Variants in TMPRSS15 observed in about 807,000 individuals in gnomAD.
The protein encoded by TMPRSS15 is transmembrane serine protease 15.
TMPRSS15 carries 128 observed loss-of-function variants against 125.3 expected under a neutral mutation model. The ratio of observed to expected loss-of-function variants is 1.02; its 90% CI spans 0.89 to 1.18. The LOEUF is 1.18. Among genes scored for constraint, TMPRSS15 ranks in the 50% most tolerant of loss-of-function variants. TMPRSS15 has a pLI of 0.00. For missense variants in TMPRSS15, 1,283 were observed against 1,212.7 expected (o/e 1.06, Z -0.86); for synonymous variants, 446 against 423.2 (o/e 1.05, Z -0.66).
intron 11 of TMPRSS15, 126 bp from the exon 12 acceptor site, chr21:18,343,782 TG>T: frequency 8.2e-7 from 1 of 1,224,814 alleles, no homozygotes; most frequent in Non-Finnish European, 1.2e-6. Flanking sequence ...TTGGAGTTGC[TG>T]GGGATGGGGA....
At chr21:18,443,541 C>T (rs574046509) in intron 1 of TMPRSS15, among the ~76,000 whole-genome samples, 3 of 152,304 alleles carry the variant, frequency 2.0e-5, no homozygotes, top group South Asian at 4.1e-4. Flanking sequence ...GACATATTGC[C>T]GGGACAACTC....
intron 1 of TMPRSS15, among the ~76,000 whole-genome samples, chr21:18,457,031 A>T (rs1228782609): frequency 6.6e-6 from 1 of 152,100 alleles, no homozygotes; most frequent in Non-Finnish European, 1.5e-5. Flanking sequence ...AGACAGAGAG[A>T]CATTTGAATT....
intron 21 of TMPRSS15, among the ~76,000 whole-genome samples, chr21:18,289,140 T>G (rs2074802772): frequency 6.6e-6 from 1 of 152,216 alleles, no homozygotes; most frequent in African/African-American, 2.4e-5. Flanking sequence ...TGTTATTTTA[T>G]TATAAATGCT....
chr21:18,282,352 G>A (rs146673540), intron 21 of TMPRSS15, among the ~76,000 whole-genome samples: 61 of 152,256 alleles, frequency 4.0e-4, no homozygotes, highest in East Asian at 2.9e-3. Flanking sequence ...AATTAAGCCA[G>A]TTAAGCCATA....
At chr21:18,418,988 C>G (rs992975624) in intron 1 of TMPRSS15, among the ~76,000 whole-genome samples, 1 of 152,104 alleles carries the variant, frequency 6.6e-6, no homozygotes, top group African/African-American at 2.4e-5. Context: ...CAGCGTTGAG[C>G]CAGGGGGAAA....
In TMPRSS15 at chr21:18,269,243, G is replaced by A. The variant is rs2074524086; in HGVS notation, c.*726C>T. The A allele has an allele frequency of 6.6e-6, 1 of 152,108 alleles. No homozygotes were observed. The highest frequency in any genetic ancestry group is 1.9e-4 in the East Asian group (1 of 5,200). The allele number at this position is 152,108 out of a possible 1,614,324, so 9.4% of individuals were successfully genotyped here. On this transcript the variant is annotated 3_prime_UTR_variant, in exon 25 of 25. Coordinates refer to ENST00000284885, the MANE Select transcript of TMPRSS15 (RefSeq NM_002772.3). ...AAACCAAGACCAGGATTTGCAATAGGTGCATTTCTTTGGTATGTCTGATTA... is the reference window on the plus strand; with the variant it reads ...AAACCAAGACCAGGATTTGCAATAGATGCATTTCTTTGGTATGTCTGATTA...
chr21:18,334,839 TA>T (rs1284205905), intron 13 of TMPRSS15, among the ~76,000 whole-genome samples: 1 of 152,194 alleles, frequency 6.6e-6, no homozygotes, highest in Non-Finnish European at 1.5e-5. Context: ...AGGCAGGGTT[TA>T]AATTGAGTCT....
chr21:18,302,860 G>C (rs1419410512), intron 18 of TMPRSS15, among the ~76,000 whole-genome samples: 1 of 152,154 alleles, frequency 6.6e-6, no homozygotes, highest in African/African-American at 2.4e-5. Context: ...TGGGCAACGT[G>C]AACCACTTTA....
chr21:18,386,273 T>C (rs2075943120), intron 3 of TMPRSS15, among the ~76,000 whole-genome samples: 1 of 152,152 alleles, frequency 6.6e-6, no homozygotes, highest in Non-Finnish European at 1.5e-5. Context: ...CTTATTAGTG[T>C]CAGAGATAGA....
intron 6 of TMPRSS15, among the ~76,000 whole-genome samples, chr21:18,366,944 T>C (rs547725682): frequency 1.3e-5 from 2 of 152,218 alleles, no homozygotes; most frequent in African/African-American, 4.8e-5. Context: ...TTTATGTATA[T>C]AAAATAAATA....
intron 3 of TMPRSS15, among the ~76,000 whole-genome samples, chr21:18,396,800 GTCTGTCTGTCTATCTA>G (rs2076043179): frequency 1.5e-5 from 1 of 67,786 alleles, no homozygotes; most frequent in African/African-American, 6.7e-5. Context: ...AAATCTGTCT[GTCTGTCTGTCTATCTA>G]TCTATCTATC....
chr21:18,350,492 T>C (rs1346873439), intron 10 of TMPRSS15, among the ~76,000 whole-genome samples: 1 of 152,124 alleles, frequency 6.6e-6, no homozygotes, highest in East Asian at 1.9e-4. Flanking sequence ...TCCACCAGTC[T>C]CTTTTCAACA....
Position 18,313,057 on chromosome 21 carries a change from T to C in TMPRSS15, c.2053A>G (p.Thr685Ala), listed in dbSNP as rs1449633222. The change falls in exon 18 of 25, where the codon ACG becomes GCG. Residue 685 changes from threonine to alanine, a missense_variant. Thr to Ala is a moderately conservative substitution (Grantham distance 58, BLOSUM62 0). Transcript: ENST00000284885. ...AACCGCACTAAACCATTGTTGTTCG[T>C]TGTGCCATTGAAAAAACGCACTAAA... The part of the protein sequence containing the change: ...ADCVRFFNGT[T>A]NNNGLVRFRI... 1 of 1,613,842 alleles carries C rather than the reference T, an allele frequency of 6.2e-7. No homozygotes were observed. The highest frequency in any genetic ancestry group is 1.3e-5 in the African/African-American group (1 of 74,910).
At chr21:18,352,076 T>TTC (rs1474625107) in intron 10 of TMPRSS15, among the ~76,000 whole-genome samples, 1 of 151,808 alleles carries the variant, frequency 6.6e-6, no homozygotes, top group African/African-American at 2.4e-5. Context: ...TTTTCACTGT[T>TTC]TTTTTGTAAT....
At chr21:18,370,297 A>G (rs2075779675) in intron 6 of TMPRSS15, among the ~76,000 whole-genome samples, 1 of 152,140 alleles carries the variant, frequency 6.6e-6, no homozygotes, top group African/African-American at 2.4e-5. Context: ...GTTCATCATG[A>G]AAATTATGAA....
At chr21:18,329,342 C>A in intron 14 of TMPRSS15, 48 bp from the exon 15 acceptor site, 1 of 1,574,886 alleles carries the variant, frequency 6.3e-7, no homozygotes, top group Non-Finnish European at 8.7e-7. Context: ...TTGGTGATTT[C>A]TCTTAAAAGC....
intron 10 of TMPRSS15, among the ~76,000 whole-genome samples, chr21:18,346,878 A>G (rs1181673171): frequency 6.6e-6 from 1 of 152,168 alleles, no homozygotes; most frequent in Non-Finnish European, 1.5e-5. Flanking sequence ...TTCTTATTAA[A>G]CCAAATACAA....
At chr21:18,285,063 T>C (rs1475101970) in intron 21 of TMPRSS15, among the ~76,000 whole-genome samples, 1 of 151,862 alleles carries the variant, frequency 6.6e-6, no homozygotes, top group Non-Finnish European at 1.5e-5. Context: ...CCATCTGTCC[T>C]GCACAAGCAA....
intron 10 of TMPRSS15, among the ~76,000 whole-genome samples, chr21:18,351,939 C>T (rs1176235372): frequency 6.6e-6 from 1 of 152,022 alleles, no homozygotes; most frequent in Non-Finnish European, 1.5e-5. Context: ...TGACCTGTAT[C>T]CTTAATGCCT....
Sources: gnomAD v4.1 joint callset for allele counts (sites outside exome capture counted in the v4.1 genomes callset) on GRCh38, gnomAD v4.1.1 for gene constraint, MANE v1.5 for transcripts, NCBI Gene and HGNC (gene_info 2026-07-23, HGNC 2026-07-21) for gene names.